SELENOO: variants seen among roughly 807,000 people sequenced by gnomAD.
The protein encoded by SELENOO is protein adenylyltransferase SelO, mitochondrial.
A neutral mutation model predicts 58.7 loss-of-function variants in SELENOO; 74 were observed. The ratio of observed to expected loss-of-function variants is 1.26; its 90% confidence interval spans 1.04 to 1.53. SELENOO has a LOEUF of 1.53. SELENOO is among the 40% of genes most tolerant of loss of function. The pLI is 0.00. For missense variants in SELENOO, 1,149 were observed against 970.0 expected, an observed-to-expected ratio of 1.18 and a Z score of -2.45; for synonymous variants, 543 against 453.2, an observed-to-expected ratio of 1.20 and a Z score of -2.52.
Position 50,201,455 on chromosome 22 carries a change from A to T in SELENOO, c.419A>T (p.Tyr140Phe), listed in dbSNP as rs928459384. 2 of 1,418,702 alleles carry T rather than the reference A, an allele frequency of 1.4e-6. No homozygotes were observed. The highest frequency in any genetic ancestry group is 9.2e-7 in the Non-Finnish European group (1 of 1,083,406). 87.9% of individuals were successfully genotyped at this position (1,418,702 alleles called of 1,614,324 possible). Residue 140 changes from tyrosine to phenylalanine, a missense_variant, in exon 1 of 9, where the codon TAC becomes TTC. Physicochemically the swap from Tyr to Phe is conservative, Grantham distance 22. Coordinates refer to ENST00000380903, the MANE Select transcript of SELENOO (RefSeq NM_031454.2). Reference sequence around the variant, plus strand: ...GGCGCCGAGCCCGCCGCGCACTGCTACTGCGGCCACCAATTCGGCCAGTTC... The same window carrying T: ...GGCGCCGAGCCCGCCGCGCACTGCTTCTGCGGCCACCAATTCGGCCAGTTC... ...LPGAEPAAHC[Y>F]CGHQFGQFAG...
intron 2 of SELENOO, among the ~76,000 whole-genome samples, chr22:50,207,561 G>A (rs2064340760): frequency 6.6e-6 from 1 of 150,684 alleles, no homozygotes; most frequent in African/African-American, 2.4e-5. Flanking sequence ...GGCTGCCTGT[G>A]GGCCTCTGGC....
At position 50,205,362 on chromosome 22, in the gene SELENOO, G is replaced by T. The variant is rs571430368; in HGVS notation, c.555-955G>T. ...CACTTTTGGGAGGCCAAGGTGAGAG[G>T]ATCGCTTGAGCCCAGGAGTTCAAGA... On this transcript the variant is annotated intron_variant, in intron 1 of 8. Transcript: ENST00000380903. Among the ~76,000 whole-genome samples, 3 of 152,370 alleles carry T rather than the reference G, an allele frequency of 2.0e-5. No homozygotes were observed. In the East Asian group the frequency reaches 5.8e-4, roughly 29 times the overall value.
rs2064359166 is a variant in SELENOO at position 50,210,257 on chromosome 22, A to T, written c.1016A>T (p.Asn339Ile). The T allele has an allele frequency of 1.9e-6, 3 of 1,613,506 alleles. No individual in the cohort carries two copies. The highest frequency in any genetic ancestry group is 2.7e-5 in the African/African-American group (2 of 75,042). The change falls in exon 4 of 9, where the codon AAC (asparagine) becomes ATC (isoleucine). Residue 339 changes from asparagine to isoleucine, a missense_variant. Transcript: ENST00000380903. ...GFCHGVLNTDNMSILGLTIDY... is the reference protein window; with the variant it reads ...GFCHGVLNTDIMSILGLTIDY... The stretch of plus-strand genomic sequence containing the variant: ...TGCCACGGCGTGCTCAACACCGACA[A>T]CATGAGCATCCTGGGGCTCACCATC...
At chr22:50,202,240 G>A (rs2064307592) in intron 1 of SELENOO, among the ~76,000 whole-genome samples, 2 of 134,424 alleles carry the variant, frequency 1.5e-5, no homozygotes, top group African/African-American at 5.5e-5. Context: ...TATGTTCAGA[G>A]AAATGCTAAA....
In SELENOO at chr22:50,201,427, C is replaced by A; in HGVS notation, c.391C>A (p.Pro131Thr). 7.3e-7 allele frequency: 1 copy of A among 1,369,448 alleles called. No homozygotes were observed. Among genetic ancestry groups the A allele is most frequent in the Non-Finnish European group, 9.5e-7 (1 of 1,055,714 alleles). 84.8% of individuals were successfully genotyped at this position (1,369,448 alleles called of 1,614,324 possible). A position where few individuals can be genotyped will look rare whatever the true frequency, so the allele number is the denominator to read the frequency against. Residue 131 changes from proline to threonine, a missense_variant, in exon 1 of 9, where the codon CCG becomes ACG. Pro to Thr is a conservative substitution (Grantham distance 38). Coordinates refer to ENST00000380903, the MANE Select transcript of SELENOO (RefSeq NM_031454.2). ...GTTCTTCAGCGGCAACGCGCTCCTGCCGGGCGCCGAGCCCGCCGCGCACTG... is the reference window on the plus strand; with the variant it reads ...GTTCTTCAGCGGCAACGCGCTCCTGACGGGCGCCGAGCCCGCCGCGCACTG... ...ALFFSGNALL[P>T]GAEPAAHCYC...
rs1602496913 is a variant in SELENOO at position 50,215,875 on chromosome 22, C to T, written c.1502+8C>T. On this transcript the variant is annotated splice_region_variant and intron_variant, in intron 6 of 8. Coordinates refer to ENST00000380903, the MANE Select transcript of SELENOO (RefSeq NM_031454.2). ...GCCCCAGATGGATCCCCGGTGGGTA[C>T]TCAGTTCCTACTTCTTTGGATTTGT... is the stretch of plus-strand genomic sequence containing the variant. 1.3e-6 allele frequency: 2 copies of T among 1,592,662 alleles called. No homozygotes were observed. The highest frequency in any genetic ancestry group is 1.7e-4 in the Middle Eastern group (1 of 5,926).
rs748495457 is a variant in SELENOO, at chr22:50,217,297, C to T, written c.1938C>T (p.Asp646=). 5.0e-5 allele frequency: 80 copies of T among 1,612,686 alleles called. No individual in the cohort carries two copies. The highest frequency in any genetic ancestry group is 4.0e-4 in the East Asian group (18 of 44,874). The change falls in exon 9 of 9, where the codon GAC becomes GAT. Residue 646 remains aspartate, a synonymous_variant. Coordinates refer to ENST00000380903, the MANE Select transcript of SELENOO (RefSeq NM_031454.2). The part of the protein sequence containing the change: ...DAEATEADGA[D]GRQRSYSSKP... ...AGGCCACGGAAGCCGACGGGGCGGA[C>T]GGCAGGCAGCGCTCCTACAGCAGTA...
chr22:50,215,982 C>A, intron 6 of SELENOO, 115 bp downstream of exon 6: 1 of 891,864 alleles, frequency 1.1e-6, no homozygotes, highest in South Asian at 1.7e-5. Flanking sequence ...GGTGGCTGCT[C>A]CGCTCCCAGG....
intron 5 of SELENOO, among the ~76,000 whole-genome samples, chr22:50,212,383 C>T (rs554736561): frequency 1.7e-3 from 264 of 152,280 alleles, no homozygotes; most frequent in Non-Finnish European, 3.2e-3. Context: ...CAGGAATTTT[C>T]TGTGTCAGGT....
chr22:50,212,235 A>G (rs931102882), intron 5 of SELENOO, among the ~76,000 whole-genome samples: 1 of 152,218 alleles, frequency 6.6e-6, no homozygotes, highest in African/African-American at 2.4e-5. Flanking sequence ...AGTATTTGGT[A>G]GAAATCACCA....
At chr22:50,215,181 T>C (rs1460674791) in intron 5 of SELENOO, among the ~76,000 whole-genome samples, 1 of 152,190 alleles carries the variant, frequency 6.6e-6, no homozygotes, top group African/African-American at 2.4e-5. Context: ...GTTGGGCCTT[T>C]TGCAGGCGGG....
Position 50,217,422 on chromosome 22 carries a change from C to T in SELENOO, c.*53C>T, listed in dbSNP as rs938839314. 18 of 1,590,158 alleles carry T rather than the reference C, an allele frequency of 1.1e-5. No homozygotes were observed. Among genetic ancestry groups the T allele is most frequent in the Admixed American group, 1.8e-5 (1 of 54,084 alleles). Reference sequence around the variant, plus strand: ...AGTCTCCCGAGGCCCCCATGTGCTGCTGAGTGGCCAAGATGATGCCAGGCT... The same window carrying T: ...AGTCTCCCGAGGCCCCCATGTGCTGTTGAGTGGCCAAGATGATGCCAGGCT... On this transcript the variant is annotated 3_prime_UTR_variant, in exon 9 of 9. Transcript: ENST00000380903.
In SELENOO at chr22:50,201,902, C is replaced by G. The variant is rs529310237; in HGVS notation, c.554+312C>G. 3.3e-5 allele frequency among the ~76,000 whole-genome samples: 5 copies of G among 152,366 alleles called. No individual in the cohort carries two copies. The South Asian group carries it at 1.0e-3, about 32-fold the overall frequency. On this transcript the variant is annotated intron_variant, in intron 1 of 8. Coordinates refer to ENST00000380903, the MANE Select transcript of SELENOO (RefSeq NM_031454.2). The stretch of plus-strand genomic sequence containing the variant: ...ACCCCGCAGGTCCCCAGCCTTCCTC[C>G]GATCGCTCGTGGGGCGGGCCGCTTC...
intron 2 of SELENOO, among the ~76,000 whole-genome samples, chr22:50,206,892 TG>T (rs58610841): frequency 2.0e-5 from 3 of 151,750 alleles, no homozygotes; most frequent in Non-Finnish European, 4.4e-5. Context: ...CTGGTGCTTC[TG>T]GGGGGGAGGG....
chr22:50,208,516 G>A lies in SELENOO; in HGVS notation c.759-20G>A, dbSNP rs778917099. ...CTGGGGTCAGGTTTGGGCTGTTGAC[G>A]CCTCGGGTCTTCCCTCCAGGTTTGG... On this transcript the variant is annotated intron_variant, in intron 2 of 8. Transcript: ENST00000380903. 9.7e-5 allele frequency: 156 copies of A among 1,607,390 alleles called. No individual in the cohort carries two copies. Among genetic ancestry groups the A allele is most frequent in the Admixed American group, 1.5e-4 (9 of 59,824 alleles).
At chr22:50,206,095 T>A in intron 1 of SELENOO, 1 of 594,280 alleles carries the variant, frequency 1.7e-6, no homozygotes, top group South Asian at 2.0e-5. Context: ...GGCCCATTTT[T>A]ACCAGAGGCT....
At chr22:50,208,834 C>G in intron 3 of SELENOO, 118 bp downstream of exon 3, 3 of 976,730 alleles carry the variant, frequency 3.1e-6, no homozygotes, top group Non-Finnish European at 4.5e-6. Flanking sequence ...CCCCGCCCTT[C>G]TCTGAGCTCC....
At chr22:50,215,537 T>G (rs545404922) in intron 5 of SELENOO, among the ~76,000 whole-genome samples, 180 bp from the exon 6 acceptor site, 1 of 139,868 alleles carries the variant, frequency 7.1e-6, no homozygotes, top group Non-Finnish European at 1.6e-5. Context: ...CTGTGCCAGG[T>G]GGAGGGTGTG....
rs549275810 is a variant in SELENOO at position 50,217,485 on chromosome 22, C to T, written c.*116C>T. On this transcript the variant is annotated 3_prime_UTR_variant, in exon 9 of 9. Coordinates refer to ENST00000380903, the MANE Select transcript of SELENOO (RefSeq NM_031454.2). ...GGGGGATTCTGCCCTGGCCCATGCA[C>T]ACCCGTCTTTCCATGATGGCAGAGA... The T allele has an allele frequency of 6.4e-5, 82 of 1,288,438 alleles. No individual in the cohort carries two copies. In the African/African-American group the frequency reaches 1.0e-3, roughly 16 times the overall value. The allele number at this position is 1,288,438 out of a possible 1,614,324, so 79.8% of individuals were successfully genotyped here.
Sources: allele counts gnomAD v4.1 joint callset (sites outside exome capture counted in the v4.1 genomes callset), GRCh38; gene constraint gnomAD v4.1.1; transcripts MANE v1.5; gene names NCBI Gene and HGNC (gene_info 2026-07-23, HGNC 2026-07-21).